ERGIC1: variants seen among roughly 807,000 people sequenced by gnomAD.
ERGIC1 encodes the protein endoplasmic reticulum-Golgi intermediate compartment protein 1.
ERGIC1 carries 19 observed loss-of-function variants against 38.3 expected under a neutral mutation model. That is an observed-to-expected ratio of 0.50 (90% CI 0.35 to 0.73). ERGIC1 has a LOEUF of 0.73. ERGIC1 is among the 30% of genes least tolerant of loss of function. The pLI, the probability that ERGIC1 is intolerant of heterozygous loss-of-function variation, is 0.01. For synonymous variants in ERGIC1, 124 were observed against 157.6 expected, an observed-to-expected ratio of 0.79 and a Z score of 1.60; for missense variants, 294 against 389.2, an observed-to-expected ratio of 0.76 and a Z score of 2.06.
intron 1 of ERGIC1, chr5:172,867,185 T>A (rs1282965812): frequency 2.2e-6 from 1 of 455,848 alleles, no homozygotes; most frequent in East Asian, 7.0e-5. Flanking sequence ...TTGGGTGACC[T>A]TTATCGTGCT....
At chr5:172,918,583 C>T (rs1217836573) in intron 5 of ERGIC1, among the ~76,000 whole-genome samples, 2 of 152,208 alleles carry the variant, frequency 1.3e-5, no homozygotes, top group East Asian at 1.9e-4. Context: ...GCAGGGCTGG[C>T]GCTACCAGGC....
chr5:172,889,456 T>C (rs1244371844), intron 2 of ERGIC1, among the ~76,000 whole-genome samples: 1 of 152,138 alleles, frequency 6.6e-6, no homozygotes, highest in Non-Finnish European at 1.5e-5. Context: ...AAGACCATTC[T>C]TCAATAAAAG....
At position 172,948,326 on chromosome 5, in the gene ERGIC1, G is replaced by A. The variant is rs889209541; in HGVS notation, c.766-2383G>A. Among the ~76,000 whole-genome samples, 8 of 152,132 alleles carry A rather than the reference G, an allele frequency of 5.3e-5. No homozygotes were observed. In the South Asian group the frequency reaches 6.2e-4, roughly 12 times the overall value. On this transcript the variant is annotated intron_variant, in intron 9 of 9. Coordinates refer to ENST00000393784, the MANE Select transcript of ERGIC1 (RefSeq NM_001031711.3). ...AAAAAAATAAACACTGGTTTGATTCGCACTTCCCTCTCGCCTTTGCTATGT... is the reference window on the plus strand; with the variant it reads ...AAAAAAATAAACACTGGTTTGATTCACACTTCCCTCTCGCCTTTGCTATGT...
intron 9 of ERGIC1, chr5:172,937,275 A>C (rs1011294648): frequency 1.3e-5 from 2 of 152,216 alleles, no homozygotes; most frequent in African/African-American, 2.4e-5. Flanking sequence ...CCAAAAAAGC[A>C]GACAAGGCCA....
At chr5:172,931,404 C>T (rs185911662) in intron 7 of ERGIC1, among the ~76,000 whole-genome samples, 56 of 152,304 alleles carry the variant, frequency 3.7e-4, no homozygotes, top group South Asian at 1.9e-3. Flanking sequence ...GCATTTGCCA[C>T]GGTCCACTTG....
At chr5:172,903,454 A>G (rs1762937027) in intron 3 of ERGIC1, among the ~76,000 whole-genome samples, 2 of 152,130 alleles carry the variant, frequency 1.3e-5, no homozygotes, top group African/African-American at 4.8e-5. Flanking sequence ...TGCCTTGGAA[A>G]GAGCATGGGC....
At chr5:172,864,268 C>CTTT (rs60390189) in intron 1 of ERGIC1, among the ~76,000 whole-genome samples, 160 of 71,158 alleles carry the variant, frequency 2.2e-3, no homozygotes, top group African/African-American at 7.5e-3. Flanking sequence ...ATTTTGTAGT[C>CTTT]TTTTTTTTTT....
At chr5:172,942,553 CAAG>C (rs1488590506) in intron 9 of ERGIC1, among the ~76,000 whole-genome samples, 6 of 152,170 alleles carry the variant, frequency 3.9e-5, no homozygotes, top group Non-Finnish European at 7.3e-5. Flanking sequence ...CACCCCCAAC[CAAG>C]AAGATTTCTG....
intron 3 of ERGIC1, chr5:172,906,319 C>T: frequency 2.7e-6 from 1 of 370,880 alleles, no homozygotes; most frequent in Non-Finnish European, 5.3e-6. Context: ...TCTAGCTCGG[C>T]CATTTCCTAG....
intron 1 of ERGIC1, among the ~76,000 whole-genome samples, chr5:172,845,775 A>G (rs1761270410): frequency 6.6e-6 from 1 of 152,174 alleles, no homozygotes; most frequent in South Asian, 2.1e-4. Context: ...ACCACTAGGA[A>G]ACTGACCTTT....
Position 172,939,775 on chromosome 5 carries a change from C to T in ERGIC1, c.765+4465C>T, listed in dbSNP as rs539668608. On this transcript the variant is annotated intron_variant, in intron 9 of 9. Coordinates refer to ENST00000393784, the MANE Select transcript of ERGIC1 (RefSeq NM_001031711.3). ...GTCAGCTCTGAAGGAGCCAGCCGGC[C>T]GGCTGTCCCTGGCAGATGGCGTCAT... Among the ~76,000 whole-genome samples, 237 of 152,338 alleles carry T rather than the reference C, an allele frequency of 1.6e-3. 2 individuals carry two copies. The highest frequency in any genetic ancestry group is 5.5e-3 in the African/African-American group (227 of 41,576).
intron 3 of ERGIC1, among the ~76,000 whole-genome samples, chr5:172,901,243 G>C (rs1428977964): frequency 6.6e-6 from 1 of 152,220 alleles, no homozygotes; most frequent in African/African-American, 2.4e-5. Context: ...GGGCCTGGTG[G>C]GGGGTGAGGG....
At chr5:172,911,586 A>T (rs114572623) in intron 4 of ERGIC1, among the ~76,000 whole-genome samples, 3,889 of 152,174 alleles carry the variant, frequency 0.026, 55 homozygotes, top group Middle Eastern at 0.041. Context: ...ATAGGAAAAA[A>T]CGCATGCTCA....
intron 9 of ERGIC1, among the ~76,000 whole-genome samples, chr5:172,939,125 T>C (rs945532387): frequency 6.6e-6 from 1 of 152,150 alleles, no homozygotes; most frequent in Admixed American, 6.5e-5. Flanking sequence ...ACTTCATTTA[T>C]TCACTTAACA....
Position 172,837,181 on chromosome 5 carries a change from G to T in ERGIC1, c.20+2748G>T, listed in dbSNP as rs75282115. Among the ~76,000 whole-genome samples the T allele has an allele frequency of 0.044, 6,704 of 152,150 alleles. 240 individuals carry two copies. Among genetic ancestry groups the T allele is most frequent in the African/African-American group, 0.099 (4,124 of 41,466 alleles). On this transcript the variant is annotated intron_variant, in intron 1 of 9. Coordinates refer to ENST00000393784, the MANE Select transcript of ERGIC1 (RefSeq NM_001031711.3). The surrounding 1 kb of genome is among the most constrained non-coding windows in gnomAD (Gnocchi z 4.3). ...GAAGCAGGAAAAATAGTGCACTCTTGCCCTTCCCTACGGATACTTCTGATT... is the reference window on the plus strand; with the variant it reads ...GAAGCAGGAAAAATAGTGCACTCTTTCCCTTCCCTACGGATACTTCTGATT...
rs371046296 is a variant in ERGIC1 at position 172,894,100 on chromosome 5, T to C, written c.83-2902T>C. Among the ~76,000 whole-genome samples, 5 of 145,358 alleles carry C rather than the reference T, an allele frequency of 3.4e-5. No homozygotes were observed. In the East Asian group the frequency reaches 9.9e-4, roughly 29 times the overall value. ...AACTATTTTTTTCTTTAAAAAATTT[T>C]TTTTTCTCACTGTCTTATGGTGCTG... On this transcript the variant is annotated intron_variant, in intron 2 of 9. Transcript: ENST00000393784.
chr5:172,912,076 CTT>C (rs565096601), intron 4 of ERGIC1, among the ~76,000 whole-genome samples: 59 of 132,772 alleles, frequency 4.4e-4, no homozygotes, highest in African/African-American at 1.4e-3. Flanking sequence ...TCTGGAGTTT[CTT>C]TTTTTTTTTT....
At chr5:172,923,955 G>A (rs755140740) in intron 5 of ERGIC1, 50 bp from the exon 6 acceptor site, 55 of 1,540,290 alleles carry the variant, frequency 3.6e-5, no homozygotes, top group South Asian at 5.7e-5. Context: ...CCAATGTTCC[G>A]CCCCCTGGAG....
chr5:172,867,282 G>A (rs528619752), intron 1 of ERGIC1: 30 of 424,744 alleles, frequency 7.1e-5, no homozygotes, highest in Admixed American at 2.5e-4. Flanking sequence ...GGGTACAGGC[G>A]GGGGTGGTGG....
Sources: gnomAD v4.1 joint callset for allele counts (sites outside exome capture counted in the v4.1 genomes callset) on GRCh38, gnomAD v4.1.1 for gene constraint, Gnocchi (gnomAD v3.1) non-coding constraint, MANE v1.5 for transcripts, NCBI Gene and HGNC (gene_info 2026-07-23, HGNC 2026-07-21) for gene names.